PI4KA: variants seen among roughly 807,000 people sequenced by gnomAD.
The protein encoded by PI4KA is PI4-kinase alpha.
PI4KA carries 122 observed loss-of-function variants against 271.4 expected under a neutral mutation model. The ratio of observed to expected loss-of-function variants is 0.45; its 90% CI spans 0.39 to 0.52. PI4KA has a LOEUF of 0.52. Among genes scored for constraint, PI4KA ranks in the 20% least tolerant of loss-of-function variants. The probability of loss-of-function intolerance (pLI) is 0.00; values close to 1 mark genes in which losing one functional copy is unlikely to be tolerated. For synonymous variants in PI4KA, 1,041 were observed against 1,078.8 expected (o/e 0.96, Z 0.69); for missense variants, 1,969 against 2,769.1 (o/e 0.71, Z 6.48).
In PI4KA at chr22:20,764,813, G is replaced by C; in HGVS notation, c.2708+4C>G. 4 of 1,609,180 alleles carry C rather than the reference G, an allele frequency of 2.5e-6. No individual in the cohort carries two copies. Among genetic ancestry groups the C allele is most frequent in the Non-Finnish European group, 3.4e-6 (4 of 1,177,214 alleles). On this transcript the variant is annotated splice_donor_region_variant and intron_variant, in intron 22 of 54. Transcript: ENST00000255882. ...CATGTGCATGGTGGTGAAGGCACGTGTACCTCATGTACTCCAGCCGGTACA... is the reference window on the plus strand; with the variant it reads ...CATGTGCATGGTGGTGAAGGCACGTCTACCTCATGTACTCCAGCCGGTACA...
chr22:20,765,704 A>G lies in PI4KA; in HGVS notation c.2329-11T>C, dbSNP rs1932458744. Reference sequence around the variant, plus strand: ...CAGTCGTCGGGTGAGCTGATGTGCCAAGAAGAGAGGGAGAAAGGAGGTTAT... The same window carrying G: ...CAGTCGTCGGGTGAGCTGATGTGCCGAGAAGAGAGGGAGAAAGGAGGTTAT... On this transcript the variant is annotated splice_polypyrimidine_tract_variant and intron_variant, in intron 19 of 54. Coordinates refer to ENST00000255882, the MANE Select transcript of PI4KA (RefSeq NM_058004.4). 6.3e-7 allele frequency: 1 copy of G among 1,578,048 alleles called. No individual in the cohort carries two copies. The highest frequency in any genetic ancestry group is 1.7e-5 in the Admixed American group (1 of 59,834).
intron 2 of PI4KA, 56 bp from the exon 3 acceptor site, chr22:20,834,711 G>A (rs1924641046): frequency 1.7e-6 from 2 of 1,144,992 alleles, no homozygotes; most frequent in African/African-American, 3.1e-5. Flanking sequence ...GTGATTGGCA[G>A]CTTTTTAGCC....
Position 20,858,741 on chromosome 22 carries a change from GGCGCTGCCC to G in PI4KA, c.-25_-17del. The G allele has an allele frequency of 4.4e-6, 6 of 1,373,476 alleles. No individual in the cohort carries two copies. The highest frequency in any genetic ancestry group is 5.6e-6 in the Non-Finnish European group (6 of 1,062,456). 85.1% of individuals were successfully genotyped at this position (1,373,476 alleles called of 1,614,324 possible). A position where few individuals can be genotyped will look rare whatever the true frequency, so the allele number is the denominator to read the frequency against. ...CCGCCGCCATCACCTCACGAGCCGC[GGCGCTGCCC>G]GCCGGCTCCCCGCTCCTGGCCCGCG... On this transcript the variant is annotated 5_prime_UTR_variant, in exon 1 of 55. Transcript: ENST00000255882.
chr22:20,732,025 T>C (rs1928127420), intron 36 of PI4KA, among the ~76,000 whole-genome samples: 1 of 150,554 alleles, frequency 6.6e-6, no homozygotes, highest in African/African-American at 2.5e-5. Context: ...ATACAAAAAA[T>C]TAGGCAGGCG....
At position 20,742,282 on chromosome 22, in the gene PI4KA, C is replaced by T; in HGVS notation, c.3687G>A (p.Thr1229=). 1 of 1,614,182 alleles carries T rather than the reference C, an allele frequency of 6.2e-7. No individual in the cohort carries two copies. Among genetic ancestry groups the T allele is most frequent in the Non-Finnish European group, 8.5e-7 (1 of 1,180,030 alleles). ...GCAGCCACTCCCAGCAGGCCAGGGC[C>T]GTCTCCATGCCATGCTCATTGAACA... ...LRMFNEHGME[T]ALACWEWLLA... The change falls in exon 32 of 55, where the codon ACG becomes ACA. Residue 1229 remains threonine (T), a synonymous_variant. Coordinates refer to ENST00000255882, the MANE Select transcript of PI4KA (RefSeq NM_058004.4).
intron 23 of PI4KA, among the ~76,000 whole-genome samples, chr22:20,754,068 GTT>G (rs1931007524): frequency 6.6e-6 from 1 of 152,008 alleles, no homozygotes. Flanking sequence ...TGATCCCTTG[GTT>G]TGAGTTACCG....
At chr22:20,729,869 C>T in intron 37 of PI4KA, 23 bp downstream of exon 37, 1 of 1,613,574 alleles carries the variant, frequency 6.2e-7, no homozygotes. Context: ...TGTGATGGCC[C>T]CAGCAGCACA....
At chr22:20,712,826 T>A (rs567934717) in intron 48 of PI4KA, 29 bp from the exon 49 acceptor site, 1 of 1,550,520 alleles carries the variant, frequency 6.4e-7, no homozygotes, top group Non-Finnish European at 8.7e-7. Flanking sequence ...CAGGATGCGG[T>A]CAGTTGGCGT....
intron 6 of PI4KA, 142 bp from the exon 7 acceptor site, chr22:20,818,691 C>T (rs1601563809): frequency 3.6e-6 from 2 of 556,416 alleles, no homozygotes; most frequent in South Asian, 2.8e-5. Flanking sequence ...TAAAGCCCAT[C>T]ACAGCTACAG....
intron 32 of PI4KA, 99 bp from the exon 33 acceptor site, chr22:20,734,652 T>G: frequency 8.2e-7 from 1 of 1,225,620 alleles, no homozygotes. Flanking sequence ...GCTCACTGAA[T>G]AAGATTTAGA....
At position 20,805,168 on chromosome 22, in the gene PI4KA, G is replaced by A. The variant is rs1488433859; in HGVS notation, c.1169-3C>T. 1.2e-6 allele frequency: 2 copies of A among 1,610,072 alleles called. No homozygotes were observed. Among genetic ancestry groups the A allele is most frequent in the Non-Finnish European group, 8.5e-7 (1 of 1,177,130 alleles). On this transcript the variant is annotated splice_region_variant and splice_polypyrimidine_tract_variant and intron_variant, in intron 10 of 54. Transcript: ENST00000255882. The stretch of plus-strand genomic sequence containing the variant: ...CTTCACAAAAGAGGTCGGGAGGTCT[G>A]TAGGAAAGAGTGTGGCATCACAGCT...
chr22:20,717,877 C>T lies in PI4KA; in HGVS notation c.5247-99G>A, dbSNP rs559699045. On this transcript the variant is annotated intron_variant, in intron 44 of 54. Coordinates refer to ENST00000255882, the MANE Select transcript of PI4KA (RefSeq NM_058004.4). ...CCTGCCTGGATTGCCCTCTCTGTCC[C>T]TCTCTTCCCGGCTCTAGCTGCTCCT... 157 of 795,866 alleles carry T rather than the reference C, an allele frequency of 2.0e-4. No individual in the cohort carries two copies. The East Asian group carries it at 4.0e-3, about 20-fold the overall frequency. 49.3% of individuals were successfully genotyped at this position (795,866 alleles called of 1,614,324 possible). A position where few individuals can be genotyped will look rare whatever the true frequency, so the allele number is the denominator to read the frequency against.
chr22:20,814,498 C>T (rs977147700), intron 7 of PI4KA, among the ~76,000 whole-genome samples: 1 of 152,134 alleles, frequency 6.6e-6, no homozygotes, highest in Non-Finnish European at 1.5e-5. Context: ...GCCTATAAAC[C>T]CAGAGTTTTC....
rs1312713409 is a variant in PI4KA at position 20,742,329 on chromosome 22, G to T, written c.3640C>A (p.Leu1214Met). 1 of 1,614,198 alleles carries T rather than the reference G, an allele frequency of 6.2e-7. No homozygotes were observed. Among genetic ancestry groups the T allele is most frequent in the South Asian group, 1.1e-5 (1 of 91,080 alleles). ...AACATCCGGAGGGGACCCCAGCACA[G>T]ATGATGAAGGAGCTGCGGGTCACAA... is the stretch of plus-strand genomic sequence containing the variant. ...KDCDPQLLHH[L>M]CWGPLRMFNE... The change falls in exon 32 of 55, where the codon CTG becomes ATG. Residue 1214 changes from leucine (L) to methionine (M), a missense_variant. Leu to Met is a conservative substitution (Grantham distance 15). This residue lies in a region of PI4KA where 203 missense variants were observed against 256.8 expected (regional missense o/e 0.79). Transcript: ENST00000255882.
chr22:20,729,211 G>A (rs1020216066), intron 39 of PI4KA, 102 bp downstream of exon 39: 16 of 941,606 alleles, frequency 1.7e-5, no homozygotes, highest in Non-Finnish European at 2.4e-5. Context: ...ATCCTTGAAA[G>A]GGGCTGCAGG....
At chr22:20,760,563 T>G (rs1931858119) in intron 23 of PI4KA, among the ~76,000 whole-genome samples, 1 of 152,202 alleles carries the variant, frequency 6.6e-6, no homozygotes, top group African/African-American at 2.4e-5. Flanking sequence ...ATGTGCTCAA[T>G]TCCATGACTT....
At chr22:20,827,463 G>A (rs1923570934) in intron 3 of PI4KA, among the ~76,000 whole-genome samples, 1 of 152,134 alleles carries the variant, frequency 6.6e-6, no homozygotes, top group Admixed American at 6.6e-5. Context: ...TGTAGTAGAG[G>A]TGAAGTTTGA....
chr22:20,782,982 TACTTC>T (rs361919), intron 19 of PI4KA, among the ~76,000 whole-genome samples: 68,874 of 151,414 alleles, frequency 0.45, 16,181 homozygotes, highest in African/African-American at 0.57. Flanking sequence ...TTGAACAAGT[TACTTC>T]ACTTCTTTGT....
At position 20,799,162 on chromosome 22, in the gene PI4KA, G is replaced by T; in HGVS notation, c.1935C>A (p.Phe645Leu). ...CATCGAGGGGGGAGGGTGGCTGGCA[G>T]AATTTCTGCTGTAGGATCTGCAGAA... Reference protein sequence around the residue: ...EPILQILQQKFCQPPSPLDVL... With the variant: ...EPILQILQQKLCQPPSPLDVL... The change falls in exon 16 of 55, where the codon TTC (phenylalanine) becomes TTA (leucine). Residue 645 changes from phenylalanine (F) to leucine (L), a missense_variant. Physicochemically the swap from Phe to Leu is conservative, Grantham distance 22. Coordinates refer to ENST00000255882, the MANE Select transcript of PI4KA (RefSeq NM_058004.4). 6.2e-7 allele frequency: 1 copy of T among 1,611,782 alleles called. No individual in the cohort carries two copies. The highest frequency in any genetic ancestry group is 8.5e-7 in the Non-Finnish European group (1 of 1,178,980).
Sources: allele counts gnomAD v4.1 joint callset (sites outside exome capture counted in the v4.1 genomes callset), GRCh38; gene constraint gnomAD v4.1.1; regional missense constraint gnomAD v4.1.1; transcripts MANE v1.5; gene names NCBI Gene and HGNC (gene_info 2026-07-23, HGNC 2026-07-21).